DLG2: variants seen among roughly 807,000 people sequenced by gnomAD.
The protein encoded by DLG2 is discs large MAGUK scaffold protein 2, also known as disks large homolog 2.
In DLG2, 45 loss-of-function variants were observed where a neutral mutation model predicts 132.5. The observed-to-expected ratio is 0.34, with a 90% CI of 0.27 to 0.44. DLG2 has a LOEUF of 0.44. Ranked by LOEUF, DLG2 falls within the 20% of genes least tolerant of loss-of-function variation. The pLI is 1.00. For synonymous variants in DLG2, 424 were observed against 419.6 expected (o/e 1.01, Z -0.13); for missense variants, 1,045 against 1,196.9 (o/e 0.87, Z 1.87).
At chr11:85,312,640 A>G (rs1473324602) in intron 3 of DLG2, among the ~76,000 whole-genome samples, 16 of 151,936 alleles carry the variant, frequency 1.1e-4, no homozygotes, top group African/African-American at 3.4e-4. Flanking sequence ...GAGAAAATTC[A>G]AGGCAGATTT....
At chr11:85,229,965 A>C (rs2075205328) in intron 4 of DLG2, among the ~76,000 whole-genome samples, 1 of 151,982 alleles carries the variant, frequency 6.6e-6, no homozygotes, top group Non-Finnish European at 1.5e-5. Flanking sequence ...AGCATCACAC[A>C]TCGGGGCCTG....
At chr11:84,365,349 G>A (rs1434216380) in intron 7 of DLG2, among the ~76,000 whole-genome samples, 21 of 151,920 alleles carry the variant, frequency 1.4e-4, no homozygotes, top group South Asian at 8.3e-4. Flanking sequence ...CTGTGGGATC[G>A]GTGGTGATAT....
At chr11:84,335,542 A>C (rs540756001) in intron 7 of DLG2, among the ~76,000 whole-genome samples, 1 of 152,334 alleles carries the variant, frequency 6.6e-6, no homozygotes, top group South Asian at 2.1e-4. Context: ...TAATATATAC[A>C]TGCTGATGAT....
chr11:85,412,743 A>ACC, intron 3 of DLG2, among the ~76,000 whole-genome samples: 1 of 132,450 alleles, frequency 7.6e-6, no homozygotes, highest in African/African-American at 3.0e-5. Flanking sequence ...ACACACACAC[A>ACC]CACACACACA....
intron 6 of DLG2, among the ~76,000 whole-genome samples, chr11:84,703,857 G>GATATATATAT (rs5793132): frequency 0.017 from 1,739 of 102,568 alleles, 63 homozygotes; most frequent in African/African-American, 0.053. Context: ...ATGTAGTGAA[G>GATATATATAT]ATATATATAT....
intron 18 of DLG2, among the ~76,000 whole-genome samples, chr11:83,700,131 A>T (rs2082668271): frequency 6.6e-6 from 1 of 152,128 alleles, no homozygotes; most frequent in Non-Finnish European, 1.5e-5. Context: ...TAAAATTAGG[A>T]TAGCAATTGG....
At chr11:84,391,587 G>A (rs1447527659) in intron 7 of DLG2, among the ~76,000 whole-genome samples, 1 of 152,062 alleles carries the variant, frequency 6.6e-6, no homozygotes, top group Non-Finnish European at 1.5e-5. Flanking sequence ...GAAAGTTAAT[G>A]AACTCCAAGA....
chr11:84,487,011 G>A (rs1271464411), intron 7 of DLG2, among the ~76,000 whole-genome samples: 1 of 152,078 alleles, frequency 6.6e-6, no homozygotes, highest in Non-Finnish European at 1.5e-5. Context: ...CCCAAAATTG[G>A]AAGTGAGTGT....
intron 3 of DLG2, among the ~76,000 whole-genome samples, chr11:85,399,984 G>A (rs2087879776): frequency 6.6e-6 from 1 of 152,036 alleles, no homozygotes; most frequent in Non-Finnish European, 1.5e-5. Context: ...TACCATCAGA[G>A]TGAACAGGCA....
chr11:84,838,254 T>G (rs2080088144), intron 6 of DLG2, among the ~76,000 whole-genome samples: 1 of 151,908 alleles, frequency 6.6e-6, no homozygotes, highest in South Asian at 2.1e-4. Flanking sequence ...TCCTTCAAAG[T>G]GTTCTCCAGC....
chr11:83,580,845 C>CTCCCCT (rs1167697892), intron 19 of DLG2, among the ~76,000 whole-genome samples: 1,453 of 118,494 alleles, frequency 0.012, 46 homozygotes, highest in African/African-American at 0.045. Context: ...CTCCCCCATT[C>CTCCCCT]TCCCCTTCCC....
At chr11:85,543,767 C>T (rs1397744060) in intron 3 of DLG2, among the ~76,000 whole-genome samples, 3 of 152,094 alleles carry the variant, frequency 2.0e-5, no homozygotes, top group African/African-American at 4.8e-5. Context: ...ATATGTTTGT[C>T]GTCTGCATAA....
At chr11:83,762,328 A>G (rs1302224241) in intron 18 of DLG2, among the ~76,000 whole-genome samples, 2 of 152,234 alleles carry the variant, frequency 1.3e-5, no homozygotes, top group Non-Finnish European at 2.9e-5. Flanking sequence ...TTCTGATGCT[A>G]TGTGACAGAG....
At chr11:84,820,619 A>G (rs2077563977) in intron 6 of DLG2, among the ~76,000 whole-genome samples, 1 of 151,814 alleles carries the variant, frequency 6.6e-6, no homozygotes, top group South Asian at 2.1e-4. Context: ...CTGGACACCC[A>G]TATTCTTTTA....
intron 7 of DLG2, among the ~76,000 whole-genome samples, chr11:84,279,743 G>A (rs772406099): frequency 7.2e-5 from 11 of 152,176 alleles, no homozygotes; most frequent in Non-Finnish European, 1.0e-4. Context: ...TCACTCATAA[G>A]TAGGAGTTGA....
At chr11:83,785,563 T>G (rs2153884401) in intron 18 of DLG2, among the ~76,000 whole-genome samples, 1 of 152,390 alleles carries the variant, frequency 6.6e-6, no homozygotes, top group East Asian at 1.9e-4. Flanking sequence ...ATTAAAAATT[T>G]TGAATAAATT....
chr11:83,984,192 TGATAGATAGATAGATAGATAGATA>T (rs56166694), intron 11 of DLG2, among the ~76,000 whole-genome samples: 3 of 142,068 alleles, frequency 2.1e-5, no homozygotes, highest in Admixed American at 7.1e-5. Flanking sequence ...GATAGATAGA[TGATAGATAGATAGATAGATAGATA>T]GATAGATAGA....
intron 4 of DLG2, among the ~76,000 whole-genome samples, chr11:85,188,454 T>A (rs975444083): frequency 1.3e-5 from 2 of 152,140 alleles, no homozygotes; most frequent in African/African-American, 2.4e-5. Context: ...CTAGTTTTTT[T>A]AAAAACAGAC....
At position 84,215,944 on chromosome 11, in the gene DLG2, C is replaced by T. The variant is rs145706077; in HGVS notation, c.573+35294G>A. Among the ~76,000 whole-genome samples the T allele has an allele frequency of 3.3e-5, 5 of 152,178 alleles. 1 individual carries two copies. In the East Asian group the frequency reaches 9.7e-4, roughly 29 times the overall value. ...TTGGAAAGGGAAGAACTGACTTGTT[C>T]GGTAAGTTTTGGTTTTCTATTGATT... On this transcript the variant is annotated intron_variant, in intron 8 of 27. Coordinates refer to ENST00000376104, the MANE Select transcript of DLG2 (RefSeq NM_001142699.3).
Sources: allele counts gnomAD v4.1 joint callset (sites outside exome capture counted in the v4.1 genomes callset), GRCh38; gene constraint gnomAD v4.1.1; transcripts MANE v1.5; gene names NCBI Gene and HGNC (gene_info 2026-07-23, HGNC 2026-07-21).